ATRX: variants seen among roughly 807,000 people sequenced by gnomAD.
ATRX encodes chromatin remodeler ATRX.
In ATRX, 12 loss-of-function variants were observed where a neutral mutation model predicts 172.6. That is an observed-to-expected ratio of 0.07 (90% confidence interval 0.04 to 0.11). ATRX has a LOEUF of 0.11. Among genes scored for constraint, ATRX ranks in the 10% least tolerant of loss-of-function variants. ATRX has a pLI of 1.00. For missense variants in ATRX, 1,368 were observed against 1,767.4 expected (o/e 0.77, Z 4.05); for synonymous variants, 674 against 594.7 (o/e 1.13, Z -1.94).
chrX:77,626,071 ATATATATATATATG>A (rs2067835159), intron 19 of ATRX, among the ~76,000 whole-genome samples: 1 of 60,346 alleles, frequency 1.7e-5, no homozygotes, highest in African/African-American at 5.8e-5. Context: ...ATATATATAT[ATATATATATATATG>A]ATGGAATACT....
At chrX:77,660,837 A>C (rs1290198494) in intron 12 of ATRX, among the ~76,000 whole-genome samples, 4 of 110,965 alleles carry the variant, frequency 3.6e-5, no homozygotes, top group South Asian at 3.7e-4. Flanking sequence ...AATAACCTCA[A>C]CTATTTCTGT....
Position 77,681,981 on chromosome X carries a change from T to G in ATRX, c.3275A>C (p.Lys1092Thr). The change falls in exon 9 of 35, where the codon AAA becomes ACA. Residue 1092 changes from lysine to threonine, a missense_variant. Lys to Thr is a moderately conservative substitution (Grantham distance 78). Transcript: ENST00000373344. ...SKNGAYGREK[K>T]RCKLLGKSSR... ...ACTCTTTCCAAGCAACTTGCACCTT[T>G]TCTTCTCTCTACCATATGCTCCATT... 8.3e-7 allele frequency: 1 copy of G among 1,210,542 alleles called. No individual in the cohort carries two copies. The highest frequency in any genetic ancestry group is 1.1e-6 in the Non-Finnish European group (1 of 894,553).
rs186693835 is a variant in ATRX at position 77,739,349 on chromosome X, T to A, written c.21-22106A>T. Among the ~76,000 whole-genome samples, 85 of 109,496 alleles carry A rather than the reference T, an allele frequency of 7.8e-4. 1 individual carries two copies. The highest frequency in any genetic ancestry group is 2.4e-3 in the African/African-American group (74 of 30,323). ...ATTCTTATAGCCGGGTAGTATTCCA[T>A]CATATATATATAATCAGATATATAT... On this transcript the variant is annotated intron_variant, in intron 1 of 34. Transcript: ENST00000373344.
chrX:77,686,716 A>AAAAT (rs1395640218), intron 7 of ATRX, among the ~76,000 whole-genome samples: 1 of 110,868 alleles, frequency 9.0e-6, no homozygotes, highest in African/African-American at 3.3e-5. Flanking sequence ...CTCCGCCTCA[A>AAAAT]AAATAAATAA....
chrX:77,574,001 G>A (rs1427492321), intron 28 of ATRX, among the ~76,000 whole-genome samples: 1 of 110,501 alleles, frequency 9.0e-6, no homozygotes, highest in Non-Finnish European at 1.9e-5. Flanking sequence ...AAAATTATTG[G>A]TATATGCAAC....
In ATRX at chrX:77,682,119, C is replaced by G. The variant is rs2148580950; in HGVS notation, c.3137G>C (p.Ser1046Thr). 1 of 1,209,391 alleles carries G rather than the reference C, an allele frequency of 8.3e-7. No homozygotes were observed. The highest frequency in any genetic ancestry group is 1.1e-6 in the Non-Finnish European group (1 of 893,943). ...AGAAGTTTTATCTCTTATTTTTTTA[C>G]TTTTCTTTTCTCCATCAGTTGTTCC... ...KNGTTDGEKK[S>T]KKIRDKTSKK... The change falls in exon 9 of 35, where the codon AGT (serine) becomes ACT (threonine). Residue 1046 changes from serine to threonine, a missense_variant. Coordinates refer to ENST00000373344, the MANE Select transcript of ATRX (RefSeq NM_000489.6).
In ATRX at chrX:77,684,237, G is replaced by C. The variant is rs2148632305; in HGVS notation, c.1019C>G (p.Thr340Ser). ...KLDDSCSGSV[T>S]YSYSALIVPK... is the part of the protein sequence containing the mutation. ...CACAATTAGTGCGGAATAAGAGTAGGTTACAGAGCCAGAACAGGAATCATC... is the reference window on the plus strand; with the variant it reads ...CACAATTAGTGCGGAATAAGAGTAGCTTACAGAGCCAGAACAGGAATCATC... The change falls in exon 9 of 35, where the codon ACC becomes AGC. Residue 340 changes from threonine (T) to serine (S), a missense_variant. Transcript: ENST00000373344. 4 of 1,210,928 alleles carry C rather than the reference G, an allele frequency of 3.3e-6. No homozygotes were observed. Among genetic ancestry groups the C allele is most frequent in the Non-Finnish European group, 4.5e-6 (4 of 894,991 alleles).
At chrX:77,612,983 T>C (rs1210732788) in intron 22 of ATRX, among the ~76,000 whole-genome samples, 2 of 112,071 alleles carry the variant, frequency 1.8e-5, no homozygotes, top group Non-Finnish European at 3.8e-5. Flanking sequence ...ATTTTGTTTA[T>C]GCATTCATCC....
rs186782104 is a variant in ATRX, at chrX:77,774,352, G to A, written c.20+11630C>T. ...CATGAAGGATGTCATGAAGCAATTG[G>A]TAAAATGTGAATAAGGTCTGTAGAT... On this transcript the variant is annotated intron_variant, in intron 1 of 34. Transcript: ENST00000373344. Among the ~76,000 whole-genome samples, 18 of 111,523 alleles carry A rather than the reference G, an allele frequency of 1.6e-4. No homozygotes were observed. In the East Asian group the frequency reaches 4.8e-3, roughly 30 times the overall value.
At chrX:77,686,821 TAC>T (rs782601905) in intron 7 of ATRX, among the ~76,000 whole-genome samples, 1 of 111,046 alleles carries the variant, frequency 9.0e-6, no homozygotes, top group Non-Finnish European at 1.9e-5. Context: ...CAGATTTCCA[TAC>T]ACTCAAGTAC....
In ATRX at chrX:77,637,393, T is replaced by A. The variant is rs140292411; in HGVS notation, c.4558-1337A>T. Among the ~76,000 whole-genome samples the A allele has an allele frequency of 3.7e-4, 41 of 111,080 alleles. 2 individuals carry two copies. In the East Asian group the frequency reaches 0.011, roughly 31 times the overall value. ...AATCTCTATCCGTTACATAGTATAT[T>A]CAGTAACTACGCAAGATAGGTACAA... On this transcript the variant is annotated intron_variant, in intron 15 of 34. Transcript: ENST00000373344.
At chrX:77,657,593 C>A (rs1557120439) in intron 12 of ATRX, among the ~76,000 whole-genome samples, 2 of 111,172 alleles carry the variant, frequency 1.8e-5, no homozygotes, top group African/African-American at 6.5e-5. Flanking sequence ...AAATAAAAAT[C>A]TATAAGTCAT....
chrX:77,738,665 G>C (rs1557180354), intron 1 of ATRX, among the ~76,000 whole-genome samples: 1 of 102,387 alleles, frequency 9.8e-6, no homozygotes, highest in African/African-American at 3.6e-5. Context: ...CCAGGTTCAA[G>C]TGATTGTCCT....
At chrX:77,643,242 GACA>G (rs1274586720) in intron 15 of ATRX, among the ~76,000 whole-genome samples, 3 of 109,899 alleles carry the variant, frequency 2.7e-5, no homozygotes, top group African/African-American at 9.9e-5. Context: ...TGGTGAGAAG[GACA>G]ACAAGAACAG....
At chrX:77,771,630 C>A (rs1009619643) in intron 1 of ATRX, among the ~76,000 whole-genome samples, 17 of 110,096 alleles carry the variant, frequency 1.5e-4, no homozygotes, top group Non-Finnish European at 1.9e-5. Context: ...GCTATCAACT[C>A]TCTAAGGAAA....
At chrX:77,700,670 C>T (rs1356904497) in intron 2 of ATRX, among the ~76,000 whole-genome samples, 1 of 112,423 alleles carries the variant, frequency 8.9e-6, no homozygotes. Context: ...GATAAACAAA[C>T]TGTAGTACAT....
chrX:77,702,211 G>A (rs991680666), intron 2 of ATRX, among the ~76,000 whole-genome samples: 5 of 112,575 alleles, frequency 4.4e-5, no homozygotes, highest in African/African-American at 1.6e-4. Context: ...GGGAGGCCGA[G>A]GCAGGCGGAT....
At chrX:77,765,845 A>T (rs5959678) in intron 1 of ATRX, among the ~76,000 whole-genome samples, 3 of 108,827 alleles carry the variant, frequency 2.8e-5, no homozygotes, top group Non-Finnish European at 5.7e-5. Context: ...GCGGCCTTCC[A>T]CAGTGTTTGT....
Position 77,522,355 on chromosome X carries a change from T to G in ATRX, c.6883A>C (p.Thr2295Pro). ...TTGAAACTGACAGGGGGTAAATTGG[T>G]CCCAGTTGGTATGTTGAAACGCATG... is the stretch of plus-strand genomic sequence containing the variant. ...LTMRFNIPTG[T>P]NLPPVSFNSQ... Residue 2295 changes from threonine to proline, a missense_variant, in exon 32 of 35, where the codon ACC becomes CCC. Transcript: ENST00000373344. 1 of 1,210,572 alleles carries G rather than the reference T, an allele frequency of 8.3e-7. No individual in the cohort carries two copies. Among genetic ancestry groups the G allele is most frequent in the Non-Finnish European group, 1.1e-6 (1 of 894,534 alleles).
Sources: allele counts gnomAD v4.1 joint callset (sites outside exome capture counted in the v4.1 genomes callset), GRCh38; gene constraint gnomAD v4.1.1; transcripts MANE v1.5; gene names NCBI Gene and HGNC (gene_info 2026-07-23, HGNC 2026-07-21).